The following PALLD variants were observed in gnomAD, a reference collection of about 807,000 sequenced individuals.
PALLD encodes palladin, cytoskeletal associated protein.
In PALLD, 61 loss-of-function variants were observed where a neutral mutation model predicts 123.5. The observed-to-expected ratio is 0.49, with a 90% CI of 0.40 to 0.61. PALLD has a LOEUF of 0.61. Among genes scored for constraint, PALLD ranks in the 20% least tolerant of loss-of-function variants. The probability of loss-of-function intolerance (pLI) is 0.00; values close to 1 mark genes in which losing one functional copy is unlikely to be tolerated. For synonymous variants in PALLD, 465 were observed against 496.4 expected (o/e 0.94, Z 0.84); for missense variants, 1,273 against 1,377.0 (o/e 0.92, Z 1.20).
chr4:168,836,549 A>G (rs983428000), intron 10 of PALLD, among the ~76,000 whole-genome samples: 1 of 152,248 alleles, frequency 6.6e-6, no homozygotes, highest in Non-Finnish European at 1.5e-5. Flanking sequence ...TTTGTTGAAT[A>G]GTTATTGCTA....
At chr4:168,600,964 G>A (rs1046661528) in intron 2 of PALLD, among the ~76,000 whole-genome samples, 5 of 152,126 alleles carry the variant, frequency 3.3e-5, no homozygotes, top group South Asian at 2.1e-4. Flanking sequence ...AGAGGGGAAC[G>A]TCCAGGCTTG....
intron 9 of PALLD, 55 bp from the exon 10 acceptor site, chr4:168,711,526 A>T: frequency 8.3e-7 from 1 of 1,202,480 alleles, no homozygotes; most frequent in Non-Finnish European, 1.2e-6. Flanking sequence ...GTGTGAAATC[A>T]CTTGTTGAAC....
At chr4:168,568,262 T>C (rs530304497) in intron 2 of PALLD, among the ~76,000 whole-genome samples, 3 of 152,254 alleles carry the variant, frequency 2.0e-5, no homozygotes, top group African/African-American at 7.2e-5. Context: ...TAATTGATCA[T>C]TTTTAGAAAT....
chr4:168,811,766 TCTCTCTCTCTCACACA>T (rs1561550558), intron 10 of PALLD, among the ~76,000 whole-genome samples: 3 of 94,396 alleles, frequency 3.2e-5, no homozygotes, highest in Admixed American at 1.0e-4. Context: ...TTTCTCTCTC[TCTCTCTCTCTCACACA>T]CACACACACA....
intron 2 of PALLD, among the ~76,000 whole-genome samples, chr4:168,558,011 A>T (rs1377130442): frequency 6.6e-6 from 1 of 152,080 alleles, no homozygotes; most frequent in Non-Finnish European, 1.5e-5. Context: ...TTTCTCATTG[A>T]GTGCTTTGTA....
chr4:168,645,039 A>G (rs1239361029), intron 2 of PALLD, among the ~76,000 whole-genome samples: 1 of 151,524 alleles, frequency 6.6e-6, no homozygotes, highest in African/African-American at 2.4e-5. Flanking sequence ...AGGAGGTTGC[A>G]GTGAGCTGAG....
intron 9 of PALLD, 81 bp from the exon 10 acceptor site, chr4:168,711,500 T>C: frequency 3.0e-6 from 3 of 1,001,378 alleles, no homozygotes; most frequent in Non-Finnish European, 4.8e-6. Flanking sequence ...ACAGGGATTC[T>C]CAGAAGACTC....
At chr4:168,787,945 G>A (rs1310346018) in intron 10 of PALLD, among the ~76,000 whole-genome samples, 1 of 152,134 alleles carries the variant, frequency 6.6e-6, no homozygotes, top group African/African-American at 2.4e-5. Flanking sequence ...TGAGATTTCA[G>A]GTTTGCAACA....
chr4:168,594,499 G>GA (rs573806807), intron 2 of PALLD, among the ~76,000 whole-genome samples: 56 of 152,246 alleles, frequency 3.7e-4, no homozygotes, highest in African/African-American at 1.3e-3. Flanking sequence ...CACAGAGAAT[G>GA]AATGTCTTTT....
chr4:168,802,012 T>C (rs1473005804), intron 10 of PALLD, among the ~76,000 whole-genome samples: 1 of 152,196 alleles, frequency 6.6e-6, no homozygotes, highest in Non-Finnish European at 1.5e-5. Context: ...GAAGAGAACA[T>C]GGAATTAGGT....
At chr4:168,763,982 A>G (rs1733315704) in intron 10 of PALLD, among the ~76,000 whole-genome samples, 1 of 152,164 alleles carries the variant, frequency 6.6e-6, no homozygotes, top group Admixed American at 6.5e-5. Context: ...ATTTATTCAT[A>G]TGTGTATTCA....
chr4:168,594,077 A>C (rs1330333702), intron 2 of PALLD, among the ~76,000 whole-genome samples: 1 of 152,182 alleles, frequency 6.6e-6, no homozygotes, highest in African/African-American at 2.4e-5. Flanking sequence ...ACCATTAGGA[A>C]AATTCTTGAA....
intron 10 of PALLD, among the ~76,000 whole-genome samples, chr4:168,882,548 G>A (rs1052927638): frequency 7.4e-5 from 11 of 148,852 alleles, no homozygotes; most frequent in East Asian, 2.1e-4. Flanking sequence ...GATACAAGCC[G>A]CAATGTACTT....
intron 10 of PALLD, among the ~76,000 whole-genome samples, chr4:168,784,280 C>G (rs557622357): frequency 1.8e-3 from 270 of 151,542 alleles, no homozygotes; most frequent in African/African-American, 6.3e-3. Flanking sequence ...CTGCAGTAAG[C>G]TGTGATTGTG....
At chr4:168,569,363 G>A (rs1223700537) in intron 2 of PALLD, among the ~76,000 whole-genome samples, 1 of 152,022 alleles carries the variant, frequency 6.6e-6, no homozygotes, top group African/African-American at 2.4e-5. Context: ...ACTCTCATTC[G>A]CCTTCTCATT....
At chr4:168,582,508 T>G (rs1770390275) in intron 2 of PALLD, among the ~76,000 whole-genome samples, 1 of 152,092 alleles carries the variant, frequency 6.6e-6, no homozygotes, top group Non-Finnish European at 1.5e-5. Context: ...TATGTTGAAT[T>G]TCTGATCTTA....
chr4:168,732,900 CAGT>C (rs1365244676), intron 10 of PALLD, among the ~76,000 whole-genome samples: 3 of 152,130 alleles, frequency 2.0e-5, no homozygotes, highest in African/African-American at 7.2e-5. Flanking sequence ...GCTCCACATT[CAGT>C]AGTAGGATAG....
chr4:168,503,135 G>A (rs931978452), intron 1 of PALLD, among the ~76,000 whole-genome samples: 1 of 152,160 alleles, frequency 6.6e-6, no homozygotes, highest in Non-Finnish European at 1.5e-5. Context: ...GCCATACAAA[G>A]ACGCCAGTCA....
intron 10 of PALLD, among the ~76,000 whole-genome samples, chr4:168,865,758 T>A (rs1750173629): frequency 7.3e-6 from 1 of 137,268 alleles, no homozygotes; most frequent in African/African-American, 2.8e-5. Flanking sequence ...AAATGTACAA[T>A]CTTGAAAGAC....
Sources: gnomAD v4.1 joint callset for allele counts (sites outside exome capture counted in the v4.1 genomes callset) on GRCh38, gnomAD v4.1.1 for gene constraint, MANE v1.5 for transcripts, NCBI Gene and HGNC (gene_info 2026-07-23, HGNC 2026-07-21) for gene names.